Variants in VAPB observed in about 807,000 individuals in gnomAD.
The protein encoded by VAPB is VAMP associated protein B and C.
A neutral mutation model predicts 25.6 loss-of-function variants in VAPB; 7 were observed. That is an observed-to-expected ratio of 0.27 (90% CI 0.16 to 0.51). The LOEUF is 0.51. VAPB is among the 20% of genes least tolerant of loss of function. The pLI is 0.97. For synonymous variants in VAPB, 112 were observed against 109.2 expected, an observed-to-expected ratio of 1.03 and a Z score of -0.16; for missense variants, 266 against 301.3, an observed-to-expected ratio of 0.88 and a Z score of 0.87.
At chr20:58,442,216 G>A (rs1301412695) in intron 5 of VAPB, among the ~76,000 whole-genome samples, 1 of 152,188 alleles carries the variant, frequency 6.6e-6, no homozygotes, top group African/African-American at 2.4e-5. Context: ...AGAACTGACA[G>A]CATTTGGGAA....
intron 5 of VAPB, among the ~76,000 whole-genome samples, chr20:58,442,646 C>G (rs1250527941): frequency 6.6e-6 from 1 of 152,202 alleles, no homozygotes. Flanking sequence ...AACAAATTTA[C>G]TGAGGGTCTA....
In VAPB at chr20:58,446,301, T is replaced by G. The variant is rs1245250517; in HGVS notation, c.*2066T>G. The G allele has an allele frequency of 4.4e-6, 2 of 453,976 alleles. No homozygotes were observed. The highest frequency in any genetic ancestry group is 8.8e-6 in the Non-Finnish European group (2 of 226,788). The allele number at this position is 453,976 out of a possible 1,614,324, so 28.1% of individuals were successfully genotyped here. A position where few individuals can be genotyped will look rare whatever the true frequency, so the allele number is the denominator to read the frequency against. On this transcript the variant is annotated 3_prime_UTR_variant, in exon 6 of 6. Transcript: ENST00000475243. ...TGACTTTCCGTGAGGGGACTAAAAT[T>G]TACTAATTGTAGTTGCTGCAGCCAG... is the stretch of plus-strand genomic sequence containing the variant.
In VAPB at chr20:58,445,835, T is replaced by TC. The variant is rs1300135509; in HGVS notation, c.*1603dup. 1 of 453,772 alleles carries TC rather than the reference T, an allele frequency of 2.2e-6. No homozygotes were observed. 28.1% of individuals were successfully genotyped at this position (453,772 alleles called of 1,614,324 possible). ...CTTTGGCCTTCAGTAAAAAGCAGCC[T>TC]CCCTTCTAGGTCAGGGAACCATGCC... is the stretch of plus-strand genomic sequence containing the variant. On this transcript the variant is annotated 3_prime_UTR_variant, in exon 6 of 6. Transcript: ENST00000475243.
At chr20:58,411,788 C>T in intron 1 of VAPB, among the ~76,000 whole-genome samples, 1 of 152,200 alleles carries the variant, frequency 6.6e-6, no homozygotes, top group Non-Finnish European at 1.5e-5. Flanking sequence ...AGGCCATTCC[C>T]CTGCCTCAGC....
rs559887972 is a variant in VAPB, at chr20:58,418,099, A to G, written c.59-112A>G. ...TCTTTCATCCATTGGCATGTTAATGAGATAATCGTGGATCTCAAATCTTCC... is the reference window on the plus strand; with the variant it reads ...TCTTTCATCCATTGGCATGTTAATGGGATAATCGTGGATCTCAAATCTTCC... On this transcript the variant is annotated intron_variant, in intron 1 of 5. Transcript: ENST00000475243. 4.0e-4 allele frequency: 565 copies of G among 1,416,624 alleles called. 1 individual carries two copies. Among genetic ancestry groups the G allele is most frequent in the South Asian group, 3.6e-3 (314 of 86,168 alleles). 87.8% of individuals were successfully genotyped at this position (1,416,624 alleles called of 1,614,324 possible). A position where few individuals can be genotyped will look rare whatever the true frequency, so the allele number is the denominator to read the frequency against.
intron 1 of VAPB, among the ~76,000 whole-genome samples, chr20:58,391,624 G>C (rs1191168850): frequency 6.6e-6 from 1 of 152,044 alleles, no homozygotes; most frequent in African/African-American, 2.4e-5. Flanking sequence ...TGCCTCCCAG[G>C]TTCAAGTGAT....
intron 1 of VAPB, among the ~76,000 whole-genome samples, chr20:58,410,479 C>T (rs1221337541): frequency 1.3e-5 from 2 of 152,096 alleles, no homozygotes; most frequent in East Asian, 1.9e-4. Flanking sequence ...TGCAGTGGAG[C>T]GATCTTCGCT....
chr20:58,439,084 C>T, intron 4 of VAPB, 59 bp downstream of exon 4: 1 of 1,472,356 alleles, frequency 6.8e-7, no homozygotes, highest in Non-Finnish European at 9.5e-7. Context: ...TATTTGCATA[C>T]CATTTCCTGC....
At chr20:58,405,076 A>C (rs952130962) in intron 1 of VAPB, among the ~76,000 whole-genome samples, 2 of 152,086 alleles carry the variant, frequency 1.3e-5, no homozygotes, top group Admixed American at 1.3e-4. Context: ...ACAACTAAAA[A>C]CAATGCAAGA....
intron 2 of VAPB, among the ~76,000 whole-genome samples, chr20:58,433,637 TG>T (rs1988974981): frequency 6.6e-6 from 1 of 152,208 alleles, no homozygotes; most frequent in South Asian, 2.1e-4. Flanking sequence ...ATTCTTTTCA[TG>T]TGAAAAGTAG....
At chr20:58,410,871 A>G (rs1327592226) in intron 1 of VAPB, among the ~76,000 whole-genome samples, 1 of 152,130 alleles carries the variant, frequency 6.6e-6, no homozygotes, top group Non-Finnish European at 1.5e-5. Context: ...ATGGCTTTAT[A>G]GCTCATTTCT....
intron 1 of VAPB, among the ~76,000 whole-genome samples, chr20:58,404,989 G>A (rs969050889): frequency 3.9e-5 from 6 of 151,916 alleles, no homozygotes; most frequent in Non-Finnish European, 7.4e-5. Context: ...ATCTTCTAGT[G>A]GAGAAGGTGT....
In VAPB at chr20:58,449,361, CAT is replaced by C. The variant is rs1568726255; in HGVS notation, c.*5128_*5129del. 1 of 453,386 alleles carries C rather than the reference CAT, an allele frequency of 2.2e-6. No individual in the cohort carries two copies. The highest frequency in any genetic ancestry group is 4.4e-6 in the Non-Finnish European group (1 of 226,658). 28.1% of individuals were successfully genotyped at this position (453,386 alleles called of 1,614,324 possible). ...GAAAAATTTAAAAGACATGAACTCA[CAT>C]AAACAGTTATGGATGATAGTTAAAA... On this transcript the variant is annotated 3_prime_UTR_variant, in exon 6 of 6. Coordinates refer to ENST00000475243, the MANE Select transcript of VAPB (RefSeq NM_004738.5).
intron 1 of VAPB, among the ~76,000 whole-genome samples, chr20:58,390,510 G>A (rs570014179): frequency 2.0e-5 from 3 of 152,076 alleles, no homozygotes; most frequent in African/African-American, 7.2e-5. Flanking sequence ...GCACAAGACA[G>A]ATAAGGCCTC....
At chr20:58,414,908 A>T (rs1166531099) in intron 1 of VAPB, among the ~76,000 whole-genome samples, 2 of 152,228 alleles carry the variant, frequency 1.3e-5, no homozygotes, top group African/African-American at 4.8e-5. Context: ...AGCCGAGATC[A>T]CGCCACTGCA....
chr20:58,407,428 G>A (rs1364132558), intron 1 of VAPB, among the ~76,000 whole-genome samples: 1 of 152,118 alleles, frequency 6.6e-6, no homozygotes, highest in African/African-American at 2.4e-5. Context: ...TATTTCAAAA[G>A]AACCTTGTTT....
intron 2 of VAPB, among the ~76,000 whole-genome samples, chr20:58,425,174 C>G (rs190820374): frequency 6.6e-6 from 1 of 152,310 alleles, no homozygotes; most frequent in Non-Finnish European, 1.5e-5. Context: ...TGACTTCATT[C>G]CGACCCTGTA....
chr20:58,415,695 T>G (rs1396886991), intron 1 of VAPB, among the ~76,000 whole-genome samples: 4 of 152,196 alleles, frequency 2.6e-5, no homozygotes, highest in Admixed American at 2.6e-4. Flanking sequence ...GTGGTAAATA[T>G]GCATGTTGGT....
chr20:58,402,693 G>T (rs1246811633), intron 1 of VAPB, among the ~76,000 whole-genome samples: 1 of 151,940 alleles, frequency 6.6e-6, no homozygotes, highest in East Asian at 1.9e-4. Context: ...GGCGAGGAAG[G>T]GTTGGTGTTT....
Sources: allele counts gnomAD v4.1 joint callset (sites outside exome capture counted in the v4.1 genomes callset), GRCh38; gene constraint gnomAD v4.1.1; transcripts MANE v1.5; gene names NCBI Gene and HGNC (gene_info 2026-07-23, HGNC 2026-07-21).